SORCS2: variants seen among roughly 807,000 people sequenced by gnomAD.
The protein encoded by SORCS2 is sortilin related VPS10 domain containing receptor 2.
In SORCS2, 100 loss-of-function variants were observed where a neutral mutation model predicts 141.6. The ratio of observed to expected loss-of-function variants is 0.71; its 90% CI spans 0.60 to 0.83. The LOEUF is 0.83. SORCS2 is among the 40% of genes least tolerant of loss of function. SORCS2 has a pLI of 0.00. For synonymous variants in SORCS2, 789 were observed against 676.9 expected (o/e 1.17, Z -2.57); for missense variants, 1,646 against 1,560.2 (o/e 1.05, Z -0.93).
Position 7,508,383 on chromosome 4 carries a change from C to G in SORCS2, c.549-23147C>G, listed in dbSNP as rs554783358. On this transcript the variant is annotated intron_variant, in intron 2 of 26. Transcript: ENST00000507866. ...TTTTTTTTTTTTTTTGACACAGTCT[C>G]ACTTTGGCTCATGCTGGAGTACAGT... Among the ~76,000 whole-genome samples the G allele has an allele frequency of 2.5e-3, 342 of 136,070 alleles. 5 individuals are homozygous for G. Among genetic ancestry groups the G allele is most frequent in the African/African-American group, 8.2e-3 (297 of 36,402 alleles). 89.3% of individuals were successfully genotyped at this position (136,070 alleles called of 152,430 possible).
rs199682954 is a variant in SORCS2 at position 7,350,134 on chromosome 4, G to A, written c.481-46154G>A. 1.7e-4 allele frequency among the ~76,000 whole-genome samples: 26 copies of A among 152,298 alleles called. No individual in the cohort carries two copies. In the East Asian group the frequency reaches 2.5e-3, roughly 15 times the overall value. On this transcript the variant is annotated intron_variant, in intron 1 of 26. Coordinates refer to ENST00000507866, the MANE Select transcript of SORCS2 (RefSeq NM_020777.3). ...TTCTGCCAGTGTTGTAAATGGACAC[G>A]ACTCTTGTTTTAAAAAGCACAACCC...
chr4:7,699,333 G>A (rs1233035415), intron 12 of SORCS2, among the ~76,000 whole-genome samples: 2 of 152,188 alleles, frequency 1.3e-5, no homozygotes, highest in South Asian at 2.1e-4. Flanking sequence ...GAGAGCAGAC[G>A]TCATTCCCAG....
At chr4:7,381,466 G>A (rs1345921781) in intron 1 of SORCS2, among the ~76,000 whole-genome samples, 2 of 152,212 alleles carry the variant, frequency 1.3e-5, no homozygotes, top group East Asian at 1.9e-4. Context: ...GGCTGCCCCT[G>A]AAAGGGTCCC....
chr4:7,525,259 T>C (rs1226952208), intron 2 of SORCS2, among the ~76,000 whole-genome samples: 3 of 151,904 alleles, frequency 2.0e-5, no homozygotes, highest in Non-Finnish European at 4.4e-5. Context: ...TTGAAAGGGG[T>C]TCTGGGAGGC....
chr4:7,379,922 C>T (rs778646610), intron 1 of SORCS2, among the ~76,000 whole-genome samples: 8 of 152,142 alleles, frequency 5.3e-5, no homozygotes, highest in Admixed American at 1.3e-4. Context: ...ACATTCAGTG[C>T]GTGAGTGTGA....
At chr4:7,531,436 G>A (rs754661659) in intron 2 of SORCS2, 94 bp from the exon 3 acceptor site, 54 of 1,211,002 alleles carry the variant, frequency 4.5e-5, no homozygotes, top group East Asian at 3.3e-4. Flanking sequence ...CACTCGGCCC[G>A]CACGGGCACA....
intron 2 of SORCS2, among the ~76,000 whole-genome samples, chr4:7,411,733 A>G (rs531663353): frequency 8.5e-5 from 13 of 152,150 alleles, no homozygotes; most frequent in Non-Finnish European, 1.6e-4. Flanking sequence ...CAAGGAACCA[A>G]TCCATGACAG....
At chr4:7,250,893 C>T (rs575304757) in intron 1 of SORCS2, among the ~76,000 whole-genome samples, 16 of 152,358 alleles carry the variant, frequency 1.1e-4, no homozygotes, top group East Asian at 1.9e-4. Context: ...TTGCCGGAAC[C>T]GCCACGACAC....
At chr4:7,598,938 C>T (rs1193449417) in intron 3 of SORCS2, among the ~76,000 whole-genome samples, 1 of 152,194 alleles carries the variant, frequency 6.6e-6, no homozygotes, top group African/African-American at 2.4e-5. Flanking sequence ...TTGCTGGCCA[C>T]AGCCTGGCTG....
intron 1 of SORCS2, among the ~76,000 whole-genome samples, chr4:7,344,945 A>T (rs2108995713): frequency 6.6e-6 from 1 of 152,168 alleles, no homozygotes. Flanking sequence ...CCCAGACCCC[A>T]GTCTCATTCT....
chr4:7,318,854 C>G (rs1718722564), intron 1 of SORCS2, among the ~76,000 whole-genome samples: 1 of 152,182 alleles, frequency 6.6e-6, no homozygotes, highest in African/African-American at 2.4e-5. Flanking sequence ...AATTTTATCA[C>G]TCCCCAGAAT....
rs116739030 is a variant in SORCS2 at position 7,326,922 on chromosome 4, G to A, written c.481-69366G>A. Among the ~76,000 whole-genome samples, 1,075 of 152,136 alleles carry A rather than the reference G, an allele frequency of 7.1e-3. 11 individuals carry two copies. Among genetic ancestry groups the A allele is most frequent in the African/African-American group, 0.023 (967 of 41,408 alleles). ...ACAGCCCCATTGATGGGCAGGCAGC[G>A]GGCAGTCAGGGTGCAGTGGCCTCTC... On this transcript the variant is annotated intron_variant, in intron 1 of 26. Transcript: ENST00000507866.
At chr4:7,468,986 A>C (rs1447373112) in intron 2 of SORCS2, among the ~76,000 whole-genome samples, 1 of 152,266 alleles carries the variant, frequency 6.6e-6, no homozygotes, top group Non-Finnish European at 1.5e-5. Flanking sequence ...AAAAATGAAC[A>C]GCACTACTCT....
chr4:7,367,626 G>A (rs1002020023), intron 1 of SORCS2, among the ~76,000 whole-genome samples: 4 of 152,206 alleles, frequency 2.6e-5, no homozygotes, highest in African/African-American at 9.7e-5. Flanking sequence ...GCATCAGTAG[G>A]ATTTGCCCCC....
At chr4:7,494,515 T>TAGAG (rs60156498) in intron 2 of SORCS2, among the ~76,000 whole-genome samples, 72,308 of 151,180 alleles carry the variant, frequency 0.48, 20,105 homozygotes, top group East Asian at 0.84. Flanking sequence ...TCTCATGGTG[T>TAGAG]AGAGAGAGAG....
intron 1 of SORCS2, among the ~76,000 whole-genome samples, chr4:7,294,110 G>T (rs963495185): frequency 6.6e-6 from 1 of 152,210 alleles, no homozygotes; most frequent in East Asian, 1.9e-4. Flanking sequence ...GGAAGGAGTG[G>T]CTTCTGGTTA....
In SORCS2 at chr4:7,193,377, G is replaced by A. The variant is rs1450915580; in HGVS notation, c.480+251G>A. ...ATTCCCGCAGATTTCGGGATCCTGG[G>A]CCACCTCCGATACTCCCCCACTGGC... On this transcript the variant is annotated intron_variant, in intron 1 of 26. Transcript: ENST00000507866. This position sits in a 1 kb window ranked among gnomAD's most constrained non-coding sequence, Gnocchi z 4.8. Among the ~76,000 whole-genome samples, 2 of 152,180 alleles carry A rather than the reference G, an allele frequency of 1.3e-5. No individual in the cohort carries two copies. The highest frequency in any genetic ancestry group is 2.9e-5 in the Non-Finnish European group (2 of 68,026).
intron 3 of SORCS2, among the ~76,000 whole-genome samples, chr4:7,616,148 T>C (rs1718741206): frequency 6.6e-6 from 1 of 152,150 alleles, no homozygotes; most frequent in Non-Finnish European, 1.5e-5. Context: ...CTAAAGCCAG[T>C]ATAGCTGGAA....
chr4:7,719,771 C>G (rs1165578319), intron 18 of SORCS2, among the ~76,000 whole-genome samples: 1 of 152,232 alleles, frequency 6.6e-6, no homozygotes, highest in African/African-American at 2.4e-5. Context: ...AGCCTGGCGT[C>G]TCGGCAGTGC....
Sources: gnomAD v4.1 joint callset for allele counts (sites outside exome capture counted in the v4.1 genomes callset) on GRCh38, gnomAD v4.1.1 for gene constraint, Gnocchi (gnomAD v3.1) non-coding constraint, MANE v1.5 for transcripts, NCBI Gene and HGNC (gene_info 2026-07-23, HGNC 2026-07-21) for gene names.